TBC1D22B: variants seen among roughly 807,000 people sequenced by gnomAD.
TBC1D22B encodes TBC1 domain family member 22B, also known as chromosome 6 open reading frame 197.
Under a neutral mutation model 69.1 loss-of-function variants are expected in TBC1D22B, and 32 were observed. That is an observed-to-expected ratio of 0.46 (90% CI 0.35 to 0.62). The LOEUF (loss-of-function observed/expected upper bound fraction) is 0.62. Among genes scored for constraint, TBC1D22B ranks in the 20% least tolerant of loss-of-function variants. The pLI is 0.00. For synonymous variants in TBC1D22B, 206 were observed against 229.8 expected, an observed-to-expected ratio of 0.90 and a Z score of 0.94; for missense variants, 462 against 630.9, an observed-to-expected ratio of 0.73 and a Z score of 2.87.
intron 1 of TBC1D22B, among the ~76,000 whole-genome samples, chr6:37,258,705 C>T (rs1358620109): frequency 1.3e-5 from 2 of 152,182 alleles, no homozygotes; most frequent in African/African-American, 2.4e-5. Context: ...TACCCCCACC[C>T]TCTTTTCGGT....
chr6:37,267,084 G>A (rs1441061341), intron 1 of TBC1D22B, among the ~76,000 whole-genome samples: 1 of 150,478 alleles, frequency 6.6e-6, no homozygotes, highest in East Asian at 1.9e-4. Context: ...GTACAAGCAT[G>A]CACCACCACA....
At position 37,331,600 on chromosome 6, in the gene TBC1D22B, C is replaced by G. The variant is rs1768584723; in HGVS notation, c.*428C>G. 1 of 153,662 alleles carries G rather than the reference C, an allele frequency of 6.5e-6. No individual in the cohort carries two copies. The highest frequency in any genetic ancestry group is 6.5e-5 in the Admixed American group (1 of 15,390). The allele number at this position is 153,662 out of a possible 1,614,324, so 9.5% of individuals were successfully genotyped here. A position where few individuals can be genotyped will look rare whatever the true frequency, so the allele number is the denominator to read the frequency against. ...TATATTTTCGAAAGACTCCTGGCCC[C>G]TCTTCCCTCTTCCTGGTTTCCTAGC... On this transcript the variant is annotated 3_prime_UTR_variant, in exon 13 of 13. Transcript: ENST00000373491.
rs529699370 is a variant in TBC1D22B at position 37,332,025 on chromosome 6, A to C, written c.*853A>C. The C allele has an allele frequency of 2.6e-5, 4 of 152,768 alleles. No individual in the cohort carries two copies. In the South Asian group the frequency reaches 6.2e-4, roughly 24 times the overall value. The allele number at this position is 152,768 out of a possible 1,614,324, so 9.5% of individuals were successfully genotyped here. ...ATTATGTATATGGGTAAAGATGTAC[A>C]AATATATGTCCTCTTTGTAGCAGAT... On this transcript the variant is annotated 3_prime_UTR_variant, in exon 13 of 13. Coordinates refer to ENST00000373491, the MANE Select transcript of TBC1D22B (RefSeq NM_017772.4).
At chr6:37,258,062 G>A in intron 1 of TBC1D22B, 89 bp downstream of exon 1, 1 of 1,437,748 alleles carries the variant, frequency 7.0e-7, no homozygotes, top group Non-Finnish European at 9.4e-7. Context: ...GGGCGCCACA[G>A]AGGCCAGAAG....
chr6:37,285,957 A>C (rs1289160697), intron 6 of TBC1D22B, among the ~76,000 whole-genome samples: 1 of 152,218 alleles, frequency 6.6e-6, no homozygotes, highest in Non-Finnish European at 1.5e-5. Flanking sequence ...TTCATAAGCA[A>C]GTTCATCTCT....
intron 3 of TBC1D22B, 117 bp from the exon 4 acceptor site, chr6:37,282,068 C>A: frequency 8.5e-7 from 1 of 1,182,662 alleles, no homozygotes; most frequent in Non-Finnish European, 1.2e-6. Context: ...TCAGACAGTG[C>A]ACACAGGCAG....
At chr6:37,307,227 T>C (rs1329140373) in intron 8 of TBC1D22B, among the ~76,000 whole-genome samples, 1 of 152,262 alleles carries the variant, frequency 6.6e-6, no homozygotes, top group Non-Finnish European at 1.5e-5. Flanking sequence ...ACAGTTTTCT[T>C]AAAACTGCTT....
intron 8 of TBC1D22B, among the ~76,000 whole-genome samples, chr6:37,307,348 CTTTTTTTTCTT>C (rs1380037720): frequency 3.4e-5 from 5 of 147,130 alleles, no homozygotes; most frequent in African/African-American, 1.3e-4. Context: ...ATTTTTTTTT[CTTTTTTTTCTT>C]TTTTTTTTTT....
rs537543092 is a variant in TBC1D22B, at chr6:37,331,634, T to G, written c.*462T>G. 1 of 153,700 alleles carries G rather than the reference T, an allele frequency of 6.5e-6. No homozygotes were observed. The highest frequency in any genetic ancestry group is 2.1e-4 in the South Asian group (1 of 4,872). The allele number at this position is 153,700 out of a possible 1,614,324, so 9.5% of individuals were successfully genotyped here. A position where few individuals can be genotyped will look rare whatever the true frequency, so the allele number is the denominator to read the frequency against. On this transcript the variant is annotated 3_prime_UTR_variant, in exon 13 of 13. Transcript: ENST00000373491. ...CTTCCTGGTTTCCTAGCCGTTCCCC[T>G]TCTGCCCCAGTCTGAGCCAGTGAGG...
At chr6:37,267,642 T>C (rs2113717704) in intron 1 of TBC1D22B, among the ~76,000 whole-genome samples, 1 of 151,106 alleles carries the variant, frequency 6.6e-6, no homozygotes, top group African/African-American at 2.4e-5. Flanking sequence ...TGTAACTTTA[T>C]ACCATATTTC....
intron 8 of TBC1D22B, among the ~76,000 whole-genome samples, chr6:37,302,413 G>A (rs375580726): frequency 2.0e-4 from 31 of 152,264 alleles, no homozygotes; most frequent in African/African-American, 6.5e-4. Context: ...GGCAATATTA[G>A]TCTAGCTCTG....
rs1331250391 is a variant in TBC1D22B, at chr6:37,313,021, C to G, written c.1086C>G (p.Ile362Met). Residue 362 changes from isoleucine (I) to methionine (M), a missense_variant, in exon 9 of 13, where the codon ATC (isoleucine) becomes ATG (methionine). By Grantham distance (10) the Ile-to-Met change is conservative (BLOSUM62 1). Coordinates refer to ENST00000373491, the MANE Select transcript of TBC1D22B (RefSeq NM_017772.4). ...GCATGAGCAAGCTGCTGGATGGAAT[C>G]CAGGTGAGCTGCTTCTGCCCTTGTG... ...FWCMSKLLDG[I>M]QDNYTFAQPG... The G allele has an allele frequency of 6.2e-7, 1 of 1,613,208 alleles. No homozygotes were observed. Among genetic ancestry groups the G allele is most frequent in the Non-Finnish European group, 8.5e-7 (1 of 1,179,286 alleles).
intron 8 of TBC1D22B, among the ~76,000 whole-genome samples, chr6:37,308,921 C>T (rs1767819017): frequency 1.4e-5 from 2 of 138,166 alleles, no homozygotes; most frequent in Non-Finnish European, 1.5e-5. Context: ...CCAGCCTAGG[C>T]AATATAGTAA....
intron 12 of TBC1D22B, among the ~76,000 whole-genome samples, chr6:37,326,484 G>C (rs1279764109): frequency 6.7e-6 from 1 of 150,222 alleles, no homozygotes; most frequent in Non-Finnish European, 1.5e-5. Flanking sequence ...GAAAAATTTA[G>C]AAAATTCCAG....
rs1768093486 is a variant in TBC1D22B at position 37,316,730 on chromosome 6, A to G, written c.1193A>G (p.Tyr398Cys). The change falls in exon 11 of 13, where the codon TAC becomes TGC. Residue 398 changes from tyrosine to cysteine, a missense_variant. Physicochemically the swap from Tyr to Cys is radical, Grantham distance 194. This residue lies in a region of TBC1D22B where 225 missense variants were observed against 375.4 expected (regional missense o/e 0.60). Coordinates refer to ENST00000373491, the MANE Select transcript of TBC1D22B (RefSeq NM_017772.4). ...DEQVHNHFRR[Y>C]EVEYLQFAFR... is the part of the protein sequence containing the mutation. ...CAGGTACATAATCACTTCAGGAGGT[A>G]CGAGGTAGAATACCTGCAGTTTGCC... The G allele has an allele frequency of 4.3e-6, 7 of 1,614,078 alleles. No homozygotes were observed. In the Admixed American group the frequency reaches 8.3e-5, roughly 19 times the overall value.
At position 37,303,046 on chromosome 6, in the gene TBC1D22B, G is replaced by A. The variant is rs772324888; in HGVS notation, c.983-9872G>A. Among the ~76,000 whole-genome samples the A allele has an allele frequency of 8.8e-4, 134 of 152,286 alleles. 1 individual carries two copies. The highest frequency in any genetic ancestry group is 3.4e-3 in the Middle Eastern group (1 of 294). On this transcript the variant is annotated intron_variant, in intron 8 of 12. Transcript: ENST00000373491. Reference sequence around the variant, plus strand: ...AGTATGGAGAAGGAAAGGAAGCAAGGCATACTTCTTCTGTTTAAGAACATT... The same window carrying A: ...AGTATGGAGAAGGAAAGGAAGCAAGACATACTTCTTCTGTTTAAGAACATT...
chr6:37,269,527 G>A (rs1465902466), intron 1 of TBC1D22B, 67 bp from the exon 2 acceptor site: 5 of 1,483,252 alleles, frequency 3.4e-6, no homozygotes, highest in Non-Finnish European at 4.7e-6. Context: ...GATGCAGATG[G>A]CACTTAGCCA....
At chr6:37,325,466 C>A (rs925916130) in intron 12 of TBC1D22B, among the ~76,000 whole-genome samples, 1 of 151,570 alleles carries the variant, frequency 6.6e-6, no homozygotes, top group Non-Finnish European at 1.5e-5. Context: ...GGTAGTGTCT[C>A]TTCTCTGCCC....
intron 1 of TBC1D22B, among the ~76,000 whole-genome samples, chr6:37,262,887 A>T (rs1256467444): frequency 1.3e-5 from 2 of 152,254 alleles, no homozygotes; most frequent in Non-Finnish European, 2.9e-5. Flanking sequence ...AACTAGGCAA[A>T]ACAGCTATGT....
Sources: gnomAD v4.1 joint callset for allele counts (sites outside exome capture counted in the v4.1 genomes callset) on GRCh38, gnomAD v4.1.1 for gene constraint, gnomAD v4.1.1 regional missense constraint, MANE v1.5 for transcripts, NCBI Gene and HGNC (gene_info 2026-07-23, HGNC 2026-07-21) for gene names.